RSF1: variants seen among roughly 807,000 people sequenced by gnomAD.
RSF1 encodes the protein HBV pX-associated protein 8.
In RSF1, 13 loss-of-function variants were observed where a neutral mutation model predicts 145.2. That is an observed-to-expected ratio of 0.09 (90% confidence interval 0.06 to 0.14). RSF1 has a LOEUF of 0.14. Among genes scored for constraint, RSF1 ranks in the 10% least tolerant of loss-of-function variants. The pLI, the probability that RSF1 is intolerant of heterozygous loss-of-function variation, is 1.00. For missense variants in RSF1, 1,517 were observed against 1,718.2 expected, an observed-to-expected ratio of 0.88 and a Z score of 2.07; for synonymous variants, 577 against 592.6, an observed-to-expected ratio of 0.97 and a Z score of 0.38.
rs1047392178 is a variant in RSF1, at chr11:77,664,498, C to T, written c.*2419G>A. ...AACTCCTTATTTCACATTAGGCATC[C>T]TGTTAAAATTATCTACCCATTTAAT... On this transcript the variant is annotated 3_prime_UTR_variant, in exon 16 of 16. Coordinates refer to ENST00000308488, the MANE Select transcript of RSF1 (RefSeq NM_016578.4). 6.6e-6 allele frequency: 1 copy of T among 152,138 alleles called. No homozygotes were observed. The highest frequency in any genetic ancestry group is 2.1e-4 in the South Asian group (1 of 4,828). 9.4% of individuals were successfully genotyped at this position (152,138 alleles called of 1,614,324 possible).
chr11:77,661,488 G>C lies in RSF1; in HGVS notation c.*5429C>G, dbSNP rs1959233045. On this transcript the variant is annotated 3_prime_UTR_variant, in exon 16 of 16. Transcript: ENST00000308488. ...GCAATTTTCATGCAGTGACCTTAAA[G>C]CTTTGGAGACAGGGCTTGTTACTCT... 6.6e-6 allele frequency: 1 copy of C among 151,774 alleles called. No individual in the cohort carries two copies. Among genetic ancestry groups the C allele is most frequent in the South Asian group, 2.1e-4 (1 of 4,820 alleles). The allele number at this position is 151,774 out of a possible 1,614,324, so 9.4% of individuals were successfully genotyped here.
chr11:77,856,538 G>C, the RSF1 span, among the ~76,000 whole-genome samples: 1 of 152,026 alleles, frequency 6.6e-6, no homozygotes, highest in Non-Finnish European at 1.5e-5. Flanking sequence ...AGCTACCTGA[G>C]ACTGGATAGT....
At chr11:77,680,262 G>A (rs1420587998) in intron 11 of RSF1, among the ~76,000 whole-genome samples, 1 of 151,632 alleles carries the variant, frequency 6.6e-6, no homozygotes, top group African/African-American at 2.4e-5. Flanking sequence ...GTGAGACCCT[G>A]TATCTACAAA....
chr11:77,680,229 T>C (rs1355371680), intron 11 of RSF1, among the ~76,000 whole-genome samples: 3 of 151,858 alleles, frequency 2.0e-5, no homozygotes, highest in Non-Finnish European at 4.4e-5. Context: ...GCCCAGGAGG[T>C]TGAGACCAAT....
At chr11:77,680,798 G>A (rs1314617413) in intron 11 of RSF1, among the ~76,000 whole-genome samples, 4 of 152,136 alleles carry the variant, frequency 2.6e-5, no homozygotes, top group Non-Finnish European at 5.9e-5. Flanking sequence ...GTGTGGATTT[G>A]TCTTAAGTTC....
At chr11:77,719,643 T>C (rs1410130310) in intron 5 of RSF1, among the ~76,000 whole-genome samples, 1 of 152,220 alleles carries the variant, frequency 6.6e-6, no homozygotes, top group Non-Finnish European at 1.5e-5. Context: ...CAAAAATTTG[T>C]ATATTAACAT....
At chr11:77,682,656 T>C (rs1410550177) in intron 11 of RSF1, among the ~76,000 whole-genome samples, 3 of 152,210 alleles carry the variant, frequency 2.0e-5, no homozygotes, top group Admixed American at 1.3e-4. Context: ...ATGCTAGGTA[T>C]AGGGGACACA....
chr11:77,715,596 T>C (rs1960789216), intron 5 of RSF1, among the ~76,000 whole-genome samples: 1 of 152,060 alleles, frequency 6.6e-6, no homozygotes. Flanking sequence ...TACAGGCTCA[T>C]GCCATCACAC....
At chr11:77,667,603 T>G (rs1959402781) in intron 15 of RSF1, 112 bp from the exon 16 acceptor site, 1 of 918,154 alleles carries the variant, frequency 1.1e-6, no homozygotes, top group Admixed American at 2.7e-5. Flanking sequence ...TGCTTGTACC[T>G]AAATGTTTCC....
the RSF1 span, among the ~76,000 whole-genome samples, chr11:77,834,441 G>GTTTTTTTTTTTTTTTTTTTTTT: frequency 1.9e-5 from 2 of 105,548 alleles, no homozygotes; most frequent in African/African-American, 3.6e-5. Context: ...AGTTGATTTT[G>GTTTTTTTTTTTTTTTTTTTTTT]TTTTTTTTTT....
intron 1 of RSF1, among the ~76,000 whole-genome samples, chr11:77,812,074 G>A (rs1266446314): frequency 3.3e-5 from 5 of 152,106 alleles, no homozygotes; most frequent in African/African-American, 1.2e-4. Context: ...AGCAACTTGA[G>A]AGGCTGAAAT....
chr11:77,692,233 ATTT>A (rs71046904), intron 8 of RSF1, among the ~76,000 whole-genome samples: 36 of 49,468 alleles, frequency 7.3e-4, no homozygotes, highest in African/African-American at 2.9e-3. Context: ...CTACTTTTAA[ATTT>A]TTTTTTTTTT....
the RSF1 span, among the ~76,000 whole-genome samples, chr11:77,871,012 T>C: frequency 2.6e-5 from 4 of 152,102 alleles, no homozygotes; most frequent in Non-Finnish European, 5.9e-5. Context: ...GCTTTATATA[T>C]ATAGGGCACC....
intron 5 of RSF1, among the ~76,000 whole-genome samples, chr11:77,704,017 C>T (rs1009428232): frequency 1.3e-5 from 2 of 152,150 alleles, no homozygotes; most frequent in African/African-American, 2.4e-5. Flanking sequence ...TCAACTGCCA[C>T]GTGCAATGGC....
intron 2 of RSF1, chr11:77,764,297 T>C (rs1028583280): frequency 7.9e-6 from 2 of 253,204 alleles, no homozygotes; most frequent in African/African-American, 4.6e-5. Context: ...CTTATTAGTT[T>C]CTTACTTGAT....
chr11:77,793,936 G>A (rs1948547126), intron 1 of RSF1, among the ~76,000 whole-genome samples: 2 of 152,088 alleles, frequency 1.3e-5, no homozygotes, highest in Admixed American at 1.3e-4. Context: ...AAAAAAAGAT[G>A]ATGAAGGTCA....
chr11:77,723,176 TG>T (rs1960978185), intron 5 of RSF1, among the ~76,000 whole-genome samples: 1 of 152,208 alleles, frequency 6.6e-6, no homozygotes, highest in African/African-American at 2.4e-5. Flanking sequence ...TTATTATGCG[TG>T]GCTGGGCACA....
At chr11:77,745,729 A>C (rs936930507) in intron 3 of RSF1, among the ~76,000 whole-genome samples, 1 of 151,084 alleles carries the variant, frequency 6.6e-6, no homozygotes, top group African/African-American at 2.4e-5. Flanking sequence ...GGAAGAACTA[A>C]CTAACTTTTT....
At chr11:77,707,391 T>C (rs943841392) in intron 5 of RSF1, among the ~76,000 whole-genome samples, 1 of 152,222 alleles carries the variant, frequency 6.6e-6, no homozygotes, top group Non-Finnish European at 1.5e-5. Context: ...TTCACCAACC[T>C]ACAAAGTGAG....
Sources: allele counts gnomAD v4.1 joint callset (sites outside exome capture counted in the v4.1 genomes callset), GRCh38; gene constraint gnomAD v4.1.1; transcripts MANE v1.5; gene names NCBI Gene and HGNC (gene_info 2026-07-23, HGNC 2026-07-21).